Variants in DIP2B observed in about 807,000 individuals in gnomAD.
DIP2B encodes DIP2 acetate--CoA ligase B (putative), also known as disco-interacting protein 2 homolog B.
In DIP2B, 76 loss-of-function variants were observed where a neutral mutation model predicts 198.0. The observed-to-expected ratio is 0.38, with a 90% CI of 0.32 to 0.46. The LOEUF (loss-of-function observed/expected upper bound fraction) is 0.46. Among genes scored for constraint, DIP2B ranks in the 20% least tolerant of loss-of-function variants. DIP2B has a pLI of 0.99. For missense variants in DIP2B, 1,559 were observed against 1,978.4 expected, an observed-to-expected ratio of 0.79 and a Z score of 4.02; for synonymous variants, 701 against 739.1, an observed-to-expected ratio of 0.95 and a Z score of 0.84.
intron 1 of DIP2B, among the ~76,000 whole-genome samples, chr12:50,622,491 A>G (rs1311757066): frequency 6.6e-6 from 1 of 152,280 alleles, no homozygotes; most frequent in African/African-American, 2.4e-5. Context: ...AAAAGAAACT[A>G]TAAAACCACT....
At chr12:50,590,016 C>T (rs549880314) in intron 1 of DIP2B, among the ~76,000 whole-genome samples, 1 of 152,182 alleles carries the variant, frequency 6.6e-6, no homozygotes, top group South Asian at 2.1e-4. Flanking sequence ...CTGTCTCTCT[C>T]TGAGATAGTA....
At chr12:50,736,870 A>C (rs1940147264) in intron 34 of DIP2B, among the ~76,000 whole-genome samples, 166 bp from the exon 35 acceptor site, 1 of 152,226 alleles carries the variant, frequency 6.6e-6, no homozygotes, top group Non-Finnish European at 1.5e-5. Flanking sequence ...AGAGCAAGAC[A>C]CAAGGTCTCT....
chr12:50,711,429 A>T (rs970322820), intron 22 of DIP2B, among the ~76,000 whole-genome samples: 7 of 152,042 alleles, frequency 4.6e-5, no homozygotes, highest in African/African-American at 1.4e-4. Flanking sequence ...TGTGTATTCT[A>T]AAAAAAACAC....
chr12:50,511,775 T>G (rs1193815936), intron 1 of DIP2B, among the ~76,000 whole-genome samples: 1 of 151,298 alleles, frequency 6.6e-6, no homozygotes, highest in African/African-American at 2.4e-5. Context: ...TGGTGAAATC[T>G]TGTCTCTACT....
intron 1 of DIP2B, among the ~76,000 whole-genome samples, chr12:50,612,299 C>G (rs577767342): frequency 2.0e-5 from 3 of 152,290 alleles, no homozygotes; most frequent in East Asian, 1.9e-4. Context: ...TAGGAGGAAC[C>G]TTTACACCCT....
intron 12 of DIP2B, among the ~76,000 whole-genome samples, chr12:50,688,483 C>T (rs1433812937): frequency 2.6e-5 from 4 of 151,868 alleles, no homozygotes; most frequent in Admixed American, 2.6e-4. Flanking sequence ...GAGACCCTGT[C>T]TCTACAAAAA....
intron 1 of DIP2B, among the ~76,000 whole-genome samples, chr12:50,592,600 C>T (rs982378038): frequency 1.3e-5 from 2 of 152,174 alleles, no homozygotes; most frequent in Admixed American, 1.3e-4. Flanking sequence ...GCCTCAGCCT[C>T]CTGAGTAGCT....
At chr12:50,653,872 T>C (rs1357888236) in intron 3 of DIP2B, among the ~76,000 whole-genome samples, 1 of 152,048 alleles carries the variant, frequency 6.6e-6, no homozygotes, top group Non-Finnish European at 1.5e-5. Context: ...TTCCTTTTGC[T>C]ATTTTTTTTG....
chr12:50,702,006 G>A (rs1939425822), intron 19 of DIP2B, among the ~76,000 whole-genome samples: 2 of 152,130 alleles, frequency 1.3e-5, no homozygotes, highest in Non-Finnish European at 2.9e-5. Context: ...GCTCATGCCT[G>A]TGATCCTCGC....
At chr12:50,528,609 G>A (rs1330043241) in intron 1 of DIP2B, among the ~76,000 whole-genome samples, 1 of 152,138 alleles carries the variant, frequency 6.6e-6, no homozygotes, top group Non-Finnish European at 1.5e-5. Flanking sequence ...GTGTTTTCCA[G>A]CTTTATCTAA....
intron 28 of DIP2B, among the ~76,000 whole-genome samples, chr12:50,726,598 G>A (rs1489439601): frequency 6.6e-6 from 1 of 151,916 alleles, no homozygotes; most frequent in Non-Finnish European, 1.5e-5. Flanking sequence ...TGGTCTACCT[G>A]CCTCGGCCTT....
intron 26 of DIP2B, among the ~76,000 whole-genome samples, chr12:50,722,513 C>T (rs1214045303): frequency 6.6e-6 from 1 of 152,110 alleles, no homozygotes; most frequent in African/African-American, 2.4e-5. Flanking sequence ...CCCAACCTTC[C>T]AAAGTGCTGG....
intron 7 of DIP2B, among the ~76,000 whole-genome samples, chr12:50,677,110 G>A (rs772155632): frequency 7.2e-5 from 11 of 151,904 alleles, no homozygotes; most frequent in Non-Finnish European, 1.3e-4. Flanking sequence ...TCTCCCTTCC[G>A]TGCCTCTTTT....
intron 12 of DIP2B, among the ~76,000 whole-genome samples, chr12:50,688,657 AG>A (rs1939171694): frequency 6.6e-6 from 1 of 152,192 alleles, no homozygotes; most frequent in African/African-American, 2.4e-5. Flanking sequence ...GTCTCAAAAA[AG>A]AAAAAAATAC....
chr12:50,565,444 C>T (rs973602295), intron 1 of DIP2B, among the ~76,000 whole-genome samples: 5 of 152,060 alleles, frequency 3.3e-5, no homozygotes, highest in East Asian at 1.9e-4. Flanking sequence ...TACAGGCGCC[C>T]GCCACCACGC....
At chr12:50,709,359 G>A (rs1019688115) in intron 22 of DIP2B, among the ~76,000 whole-genome samples, 2 of 152,090 alleles carry the variant, frequency 1.3e-5, no homozygotes, top group African/African-American at 4.8e-5. Context: ...TAGGCCAGGC[G>A]CAGTGGCTCA....
chr12:50,736,906 T>C (rs1476263788), intron 34 of DIP2B, 130 bp from the exon 35 acceptor site: 7 of 778,238 alleles, frequency 9.0e-6, no homozygotes, highest in Non-Finnish European at 1.3e-5. Flanking sequence ...GGGTAGCTGC[T>C]GTGATGCCGC....
At chr12:50,567,443 A>T (rs964737861) in intron 1 of DIP2B, among the ~76,000 whole-genome samples, 1 of 152,146 alleles carries the variant, frequency 6.6e-6, no homozygotes, top group African/African-American at 2.4e-5. Context: ...GCTTTTTCAT[A>T]GTTTCTATTT....
chr12:50,579,842 C>T (rs1336631811), intron 1 of DIP2B, among the ~76,000 whole-genome samples: 1 of 151,036 alleles, frequency 6.6e-6, no homozygotes, highest in East Asian at 1.9e-4. Context: ...TCTCACTTCC[C>T]TTATTTCTTC....
Sources: allele counts gnomAD v4.1 joint callset (sites outside exome capture counted in the v4.1 genomes callset), GRCh38; gene constraint gnomAD v4.1.1; transcripts MANE v1.5; gene names NCBI Gene and HGNC (gene_info 2026-07-23, HGNC 2026-07-21).